ORC2: variants seen among roughly 807,000 people sequenced by gnomAD.
The protein encoded by ORC2 is origin recognition complex subunit 2.
A neutral mutation model predicts 77.7 loss-of-function variants in ORC2; 37 were observed. The observed-to-expected ratio is 0.48, with a 90% CI of 0.37 to 0.63. The LOEUF (loss-of-function observed/expected upper bound fraction) is 0.63. ORC2 is among the 20% of genes least tolerant of loss of function. The probability of loss-of-function intolerance (pLI) is 0.00; values close to 1 mark genes in which losing one functional copy is unlikely to be tolerated. For synonymous variants in ORC2, 201 were observed against 229.5 expected, an observed-to-expected ratio of 0.88 and a Z score of 1.12; for missense variants, 557 against 661.9, an observed-to-expected ratio of 0.84 and a Z score of 1.74.
chr2:200,959,210 T>C (rs2041525840), intron 2 of ORC2, among the ~76,000 whole-genome samples, 182 bp downstream of exon 2: 1 of 152,146 alleles, frequency 6.6e-6, no homozygotes, highest in Non-Finnish European at 1.5e-5. Context: ...TCTGAGCTCC[T>C]GGAATTAAGC....
rs2041150104 is a variant in ORC2, at chr2:200,941,414, G to A, written c.422-135C>T. On this transcript the variant is annotated intron_variant, in intron 6 of 17. Coordinates refer to ENST00000234296, the MANE Select transcript of ORC2 (RefSeq NM_006190.5). ...TCCCAGCACTTTGGGAGGCAAGGCA[G>A]GAAGATTGCTTGAGGCCAGGAGTTC... 6.4e-6 allele frequency: 4 copies of A among 628,972 alleles called. No individual in the cohort carries two copies. In the East Asian group the frequency reaches 1.2e-4, roughly 18 times the overall value. 39.0% of individuals were successfully genotyped at this position (628,972 alleles called of 1,614,324 possible). A position where few individuals can be genotyped will look rare whatever the true frequency, so the allele number is the denominator to read the frequency against.
intron 5 of ORC2, among the ~76,000 whole-genome samples, chr2:200,946,033 T>C (rs920256203): frequency 6.6e-6 from 1 of 152,210 alleles, no homozygotes; most frequent in Non-Finnish European, 1.5e-5. Flanking sequence ...TGCTCTTTTG[T>C]TTACATTTAT....
intron 13 of ORC2, chr2:200,921,520 G>A (rs2040761315): frequency 6.5e-6 from 1 of 153,700 alleles, no homozygotes; most frequent in Admixed American, 6.5e-5. Flanking sequence ...AAATAAAGTA[G>A]TATAGGATAA....
At position 200,919,852 on chromosome 2, in the gene ORC2, T is replaced by A. The variant is rs536756190; in HGVS notation, c.1466+370A>T. On this transcript the variant is annotated intron_variant, in intron 15 of 17. Transcript: ENST00000234296. ...CACTGACTATCCACCTTAGTTAGGA[T>A]CAAATGAAGTAATGCATATAAAGTA... Among the ~76,000 whole-genome samples, 67 of 152,312 alleles carry A rather than the reference T, an allele frequency of 4.4e-4. 2 individuals are homozygous for A. The South Asian group carries it at 0.013, about 31-fold the overall frequency.
intron 10 of ORC2, among the ~76,000 whole-genome samples, chr2:200,932,532 G>C (rs1366374140): frequency 6.6e-6 from 1 of 151,956 alleles, no homozygotes; most frequent in African/African-American, 2.4e-5. Flanking sequence ...TAGAGATGGG[G>C]TTTCACCATG....
chr2:200,915,392 C>A (rs1162682774), intron 15 of ORC2, among the ~76,000 whole-genome samples: 1 of 152,054 alleles, frequency 6.6e-6, no homozygotes, highest in African/African-American at 2.4e-5. Context: ...CATAAACTTA[C>A]CATTTCCCTA....
chr2:200,915,604 G>A (rs2040633732), intron 15 of ORC2, among the ~76,000 whole-genome samples: 6 of 152,148 alleles, frequency 3.9e-5, no homozygotes, highest in Admixed American at 3.9e-4. Flanking sequence ...ATCAGTCCTT[G>A]GGTATGCCAA....
At chr2:200,921,978 T>G (rs2040769673) in intron 13 of ORC2, among the ~76,000 whole-genome samples, 1 of 151,828 alleles carries the variant, frequency 6.6e-6, no homozygotes, top group Non-Finnish European at 1.5e-5. Flanking sequence ...ATAGGCAAGA[T>G]GTATACAATA....
chr2:200,961,877 T>A (rs749086285), intron 1 of ORC2, among the ~76,000 whole-genome samples: 1 of 152,216 alleles, frequency 6.6e-6, no homozygotes, highest in Non-Finnish European at 1.5e-5. Flanking sequence ...GGTTACGTAA[T>A]TCTTATTGGC....
Position 200,957,392 on chromosome 2 carries a change from C to A in ORC2, c.238+9G>T. On this transcript the variant is annotated intron_variant, in intron 4 of 17. Coordinates refer to ENST00000234296, the MANE Select transcript of ORC2 (RefSeq NM_006190.5). ...CAGAAACGAGTGTATATTTCACCCC[C>A]TCAAATACCTTGAACATCTCTTCCC... 1 of 1,562,276 alleles carries A rather than the reference C, an allele frequency of 6.4e-7. No individual in the cohort carries two copies. Among genetic ancestry groups the A allele is most frequent in the South Asian group, 1.2e-5 (1 of 82,892 alleles).
intron 2 of ORC2, among the ~76,000 whole-genome samples, 161 bp downstream of exon 2, chr2:200,959,231 C>T (rs2041526143): frequency 6.6e-6 from 1 of 152,176 alleles, no homozygotes; most frequent in Admixed American, 6.5e-5. Context: ...AATTTTCCCA[C>T]CTCACCCTCC....
At position 200,942,097 on chromosome 2, in the gene ORC2, T is replaced by C. The variant is rs375102339; in HGVS notation, c.421+588A>G. On this transcript the variant is annotated intron_variant, in intron 6 of 17. Coordinates refer to ENST00000234296, the MANE Select transcript of ORC2 (RefSeq NM_006190.5). The stretch of plus-strand genomic sequence containing the variant: ...CGAGAGGCTGAGGCTAGAGGATCAC[T>C]TGAGCCCAGGAATTCAAGGCTTTAA... Among the ~76,000 whole-genome samples, 6 of 152,206 alleles carry C rather than the reference T, an allele frequency of 3.9e-5. No individual in the cohort carries two copies. The East Asian group carries it at 9.6e-4, about 24-fold the overall frequency.
At chr2:200,963,215 T>C (rs977194835) in intron 1 of ORC2, 1 of 382,918 alleles carries the variant, frequency 2.6e-6, no homozygotes, top group Non-Finnish European at 4.6e-6. Flanking sequence ...AGTGAGCCTC[T>C]CACCTCAAGT....
intron 4 of ORC2, among the ~76,000 whole-genome samples, chr2:200,953,004 C>T (rs976120406): frequency 6.7e-6 from 1 of 149,750 alleles, no homozygotes; most frequent in Non-Finnish European, 1.5e-5. Flanking sequence ...TGCAGCTACT[C>T]AGGAGGCTTA....
chr2:200,963,058 C>T (rs1029766192), intron 1 of ORC2: 4 of 160,958 alleles, frequency 2.5e-5, no homozygotes, highest in Non-Finnish European at 4.0e-5. Flanking sequence ...CCTCACAGGG[C>T]ACTTTACCAC....
chr2:200,949,525 T>C, intron 5 of ORC2, 29 bp downstream of exon 5: 1 of 1,160,672 alleles, frequency 8.6e-7, no homozygotes, highest in Non-Finnish European at 1.3e-6. Flanking sequence ...AGATGAGTAA[T>C]AGTTATAGAA....
intron 15 of ORC2, among the ~76,000 whole-genome samples, chr2:200,914,313 C>T (rs1014499552): frequency 6.6e-5 from 10 of 151,892 alleles, no homozygotes; most frequent in Non-Finnish European, 1.2e-4. Flanking sequence ...CTACAGGTGC[C>T]CACCACCATG....
Position 200,915,516 on chromosome 2 carries a change from A to G in ORC2, c.1467-1524T>C, listed in dbSNP as rs112662343. Among the ~76,000 whole-genome samples, 616 of 152,300 alleles carry G rather than the reference A, an allele frequency of 4.0e-3. 1 individual carries two copies. The highest frequency in any genetic ancestry group is 6.9e-3 in the Non-Finnish European group (467 of 68,012). ...AATAAAACTGTACGTATTTCTTTGT[A>G]TTTTGAATTATTCCATGGAAGAGTG... is the stretch of plus-strand genomic sequence containing the variant. On this transcript the variant is annotated intron_variant, in intron 15 of 17. Transcript: ENST00000234296.
chr2:200,943,557 G>A (rs2041193297), intron 5 of ORC2, among the ~76,000 whole-genome samples: 2 of 152,106 alleles, frequency 1.3e-5, no homozygotes, highest in Admixed American at 1.3e-4. Flanking sequence ...CTGGGACACT[G>A]TTCACTGAGA....
Sources: gnomAD v4.1 joint callset for allele counts (sites outside exome capture counted in the v4.1 genomes callset) on GRCh38, gnomAD v4.1.1 for gene constraint, MANE v1.5 for transcripts, NCBI Gene and HGNC (gene_info 2026-07-23, HGNC 2026-07-21) for gene names.